STRA6: variants seen among roughly 807,000 people sequenced by gnomAD.
STRA6 encodes receptor for retinol uptake STRA6.
A neutral mutation model predicts 83.6 loss-of-function variants in STRA6; 48 were observed. The ratio of observed to expected loss-of-function variants is 0.57; its 90% CI spans 0.46 to 0.73. STRA6 has a LOEUF of 0.73. Ranked by LOEUF, STRA6 falls within the 30% of genes least tolerant of loss-of-function variation. The pLI, the probability that STRA6 is intolerant of heterozygous loss-of-function variation, is 0.00. For synonymous variants in STRA6, 353 were observed against 362.3 expected, an observed-to-expected ratio of 0.97 and a Z score of 0.29; for missense variants, 760 against 838.8, an observed-to-expected ratio of 0.91 and a Z score of 1.16.
chr15:74,199,118 G>C (rs1239063014), intron 2 of STRA6, among the ~76,000 whole-genome samples: 1 of 152,240 alleles, frequency 6.6e-6, no homozygotes, highest in Non-Finnish European at 1.5e-5. Context: ...AGCCTGGGCT[G>C]CCGCCAGTCC....
intron 14 of STRA6, 42 bp from the exon 15 acceptor site, chr15:74,182,502 C>G (rs1424104564): frequency 6.5e-7 from 1 of 1,541,714 alleles, no homozygotes; most frequent in Non-Finnish European, 8.8e-7. Context: ...AAACAGGTTC[C>G]ATGAAAACTG....
At chr15:74,205,803 C>T (rs574705874), upstream of STRA6, among the ~76,000 whole-genome samples, 2 of 152,346 alleles carry the variant, frequency 1.3e-5, no homozygotes, top group East Asian at 3.9e-4. Flanking sequence ...CATGGGAAGA[C>T]ACAGAGGCCA....
chr15:74,181,575 G>GGT (rs2072992936), intron 16 of STRA6, 117 bp from the exon 17 acceptor site: 2 of 1,389,390 alleles, frequency 1.4e-6, no homozygotes, highest in African/African-American at 2.9e-5. Context: ...ACCATTTATT[G>GGT]CTATGTCTTC....
chr15:74,195,059 C>T, intron 7 of STRA6: 2 of 1,446,966 alleles, frequency 1.4e-6, no homozygotes, highest in South Asian at 2.9e-5. Flanking sequence ...CTGCCCACTT[C>T]CCCTTCTCCG....
upstream of STRA6, chr15:74,209,278 A>G (rs1006917202): frequency 5.4e-6 from 7 of 1,289,580 alleles, no homozygotes; most frequent in Admixed American, 2.0e-5. Context: ...GAGTCACCTC[A>G]GTGGAGAAGC....
At chr15:74,199,791 G>A (rs945839482) in intron 2 of STRA6, among the ~76,000 whole-genome samples, 8 of 152,238 alleles carry the variant, frequency 5.3e-5, no homozygotes, top group African/African-American at 1.4e-4. Flanking sequence ...CATGGGACAG[G>A]CAGGATGGCA....
chr15:74,208,982 T>C (rs1253434823), exon 1 of STRA6: 15 of 1,009,312 alleles, frequency 1.5e-5, no homozygotes, highest in Admixed American at 6.0e-5. Context: ...GTCTCGGCAG[T>C]TGGCCCTGAG....
chr15:74,195,818 T>C (rs891002998), intron 5 of STRA6, 143 bp from the exon 6 acceptor site: 4 of 957,512 alleles, frequency 4.2e-6, no homozygotes, highest in Non-Finnish European at 6.2e-6. Flanking sequence ...AAAATGGGGC[T>C]AATATGCATA....
chr15:74,198,085 G>A (rs2073903368), intron 2 of STRA6, among the ~76,000 whole-genome samples: 2 of 151,972 alleles, frequency 1.3e-5, no homozygotes, highest in African/African-American at 4.8e-5. Flanking sequence ...GAGTAGACCG[G>A]CTCGGCCTGA....
chr15:74,208,616 G>T (rs1281828254), intron 1 of STRA6, among the ~76,000 whole-genome samples: 1 of 152,096 alleles, frequency 6.6e-6, no homozygotes, highest in Non-Finnish European at 1.5e-5. Flanking sequence ...AGTGTCCCCT[G>T]AGGGCAGCCC....
Position 74,180,073 on chromosome 15 carries a change from C to T in STRA6, c.*7G>A, listed in dbSNP as rs1242231624. ...CAGATGGGCAGGTGGGTTGACCTTC[C>T]CTGCCCTCAGGGCTGGGCACCATTG... is the stretch of plus-strand genomic sequence containing the variant. On this transcript the variant is annotated 3_prime_UTR_variant, in exon 19 of 19. Coordinates refer to ENST00000395105, the MANE Select transcript of STRA6 (RefSeq NM_022369.4). 1 of 1,611,822 alleles carries T rather than the reference C, an allele frequency of 6.2e-7. No homozygotes were observed. The highest frequency in any genetic ancestry group is 1.1e-5 in the South Asian group (1 of 90,984).
intron 17 of STRA6, 136 bp from the exon 18 acceptor site, chr15:74,181,073 C>T: frequency 1.4e-6 from 2 of 1,408,446 alleles, no homozygotes; most frequent in Non-Finnish European, 1.9e-6. Context: ...AAGCACGTGG[C>T]ACATTGGCTG....
chr15:74,191,292 C>CT (rs911591888), intron 9 of STRA6, 49 bp from the exon 10 acceptor site: 2 of 1,611,744 alleles, frequency 1.2e-6, no homozygotes, highest in African/African-American at 1.3e-5. Flanking sequence ...AAGCCCATTC[C>CT]CTGAGGGCCA....
intron 8 of STRA6, among the ~76,000 whole-genome samples, chr15:74,193,015 C>T (rs1374019741): frequency 6.6e-6 from 1 of 152,202 alleles, no homozygotes. Context: ...ATGGTAGGTG[C>T]TTAGAAGGCT....
At position 74,193,896 on chromosome 15, in the gene STRA6, G is replaced by C; in HGVS notation, c.624C>G (p.Ala208=). ...CGAGGCCCAGCAGGAGAGGCAGGGAGGCCAGCAGGGAGTAGTACTTGTAGA... is the reference window on the plus strand; with the variant it reads ...CGAGGCCCAGCAGGAGAGGCAGGGACGCCAGCAGGGAGTAGTACTTGTAGA... ...PKIYKYYSLL[A]SLPLLLGLGF... The change falls in exon 8 of 19, where the codon GCC becomes GCG. Residue 208 remains alanine (A), a synonymous_variant. Coordinates refer to ENST00000395105, the MANE Select transcript of STRA6 (RefSeq NM_022369.4). 1 of 1,613,820 alleles carries C rather than the reference G, an allele frequency of 6.2e-7. No individual in the cohort carries two copies. Among genetic ancestry groups the C allele is most frequent in the Non-Finnish European group, 8.5e-7 (1 of 1,179,774 alleles).
At chr15:74,209,690 C>T (rs1397354653), upstream of STRA6, 4 of 512,728 alleles carry the variant, frequency 7.8e-6, no homozygotes, top group Non-Finnish European at 1.4e-5. Context: ...GGCTGCATCC[C>T]CCCTCACCTG....
chr15:74,193,963 T>C (rs1487779323), intron 7 of STRA6, 41 bp from the exon 8 acceptor site: 4 of 1,606,424 alleles, frequency 2.5e-6, no homozygotes, highest in East Asian at 4.5e-5. Context: ...TTCCACCTTC[T>C]TCCCCCAGCC....
Position 74,193,787 on chromosome 15 carries a change from C to T in STRA6, c.720+13G>A. 1.9e-6 allele frequency: 3 copies of T among 1,613,216 alleles called. No individual in the cohort carries two copies. The highest frequency in any genetic ancestry group is 2.5e-6 in the Non-Finnish European group (3 of 1,179,404). On this transcript the variant is annotated intron_variant, in intron 8 of 18. Coordinates refer to ENST00000395105, the MANE Select transcript of STRA6 (RefSeq NM_022369.4). ...GTGCTGAGGAAGAGCTCATCCCAGG[C>T]CTGCCCCTTTACCTTGGAGCCTGCT... is the stretch of plus-strand genomic sequence containing the variant.
upstream of STRA6, chr15:74,209,693 C>A (rs1041095399): frequency 2.0e-6 from 1 of 508,698 alleles, no homozygotes; most frequent in East Asian, 3.3e-5. Context: ...TGCATCCCCC[C>A]TCACCTGAGC....
Sources: allele counts gnomAD v4.1 joint callset (sites outside exome capture counted in the v4.1 genomes callset), GRCh38; gene constraint gnomAD v4.1.1; transcripts MANE v1.5; gene names NCBI Gene and HGNC (gene_info 2026-07-23, HGNC 2026-07-21).